Variants in TANK observed in about 807,000 individuals in gnomAD.
TANK encodes TRAF family member associated NFKB activator.
TANK carries 15 observed loss-of-function variants against 43.6 expected under a neutral mutation model. The observed-to-expected ratio is 0.34, with a 90% CI of 0.23 to 0.53. The LOEUF is 0.53. Ranked by LOEUF, TANK falls within the 20% of genes least tolerant of loss-of-function variation. The probability of loss-of-function intolerance (pLI) is 0.94; values close to 1 mark genes in which losing one functional copy is unlikely to be tolerated. For missense variants in TANK, 417 were observed against 498.6 expected (o/e 0.84, Z 1.56); for synonymous variants, 162 against 178.2 (o/e 0.91, Z 0.73).
intron 7 of TANK, 73 bp from the exon 8 acceptor site, chr2:161,235,268 GA>G (rs1161163099): frequency 7.4e-7 from 1 of 1,349,264 alleles, no homozygotes; most frequent in Non-Finnish European, 1.0e-6. Flanking sequence ...AACTCATTCA[GA>G]AATTCAAATT....
upstream of TANK, chr2:161,159,184 AC>A (rs1306791539): frequency 6.6e-6 from 1 of 152,256 alleles, no homozygotes; most frequent in Non-Finnish European, 1.5e-5. Flanking sequence ...CAGCAATCAT[AC>A]TACTTGGTAT....
At chr2:161,172,837 A>C (rs886284520) in intron 1 of TANK, among the ~76,000 whole-genome samples, 2 of 152,128 alleles carry the variant, frequency 1.3e-5, no homozygotes, top group Admixed American at 1.3e-4. Flanking sequence ...TACTCTTGAA[A>C]TGCCTCTTGA....
At chr2:161,165,396 T>C (rs1017541191) in intron 1 of TANK, among the ~76,000 whole-genome samples, 6 of 152,218 alleles carry the variant, frequency 3.9e-5, no homozygotes, top group African/African-American at 1.4e-4. Flanking sequence ...AAATCAACTG[T>C]TATTGTGAGA....
intron 4 of TANK, 124 bp downstream of exon 4, chr2:161,204,917 G>A (rs1686580593): frequency 1.4e-6 from 2 of 1,469,774 alleles, no homozygotes; most frequent in Admixed American, 3.1e-5. Context: ...CAAATATGTG[G>A]CTTAAATATT....
intron 2 of TANK, among the ~76,000 whole-genome samples, chr2:161,184,019 A>G (rs1324001380): frequency 1.3e-5 from 2 of 152,244 alleles, no homozygotes; most frequent in East Asian, 1.9e-4. Context: ...AATAAGCTCA[A>G]TGTGAGTCGA....
At chr2:161,193,570 AATAG>A (rs1686014153) in intron 2 of TANK, among the ~76,000 whole-genome samples, 1 of 152,202 alleles carries the variant, frequency 6.6e-6, no homozygotes, top group Non-Finnish European at 1.5e-5. Flanking sequence ...AAAATAAATA[AATAG>A]ATAAATAAGT....
intron 4 of TANK, among the ~76,000 whole-genome samples, chr2:161,208,789 G>A (rs1398112499): frequency 2.6e-5 from 4 of 152,136 alleles, no homozygotes; most frequent in African/African-American, 7.2e-5. Flanking sequence ...TAAGGGATCT[G>A]AGAGAGAGAA....
At chr2:161,235,291 G>C in intron 7 of TANK, 51 bp from the exon 8 acceptor site, 1 of 1,485,342 alleles carries the variant, frequency 6.7e-7, no homozygotes, top group Non-Finnish European at 9.2e-7. Flanking sequence ...GAAGTCCAGT[G>C]CTATTTGAAT....
rs527458448 is a variant in TANK at position 161,183,836 on chromosome 2, A to T, written c.99+4075A>T. Among the ~76,000 whole-genome samples, 412 of 152,174 alleles carry T rather than the reference A, an allele frequency of 2.7e-3. 1 individual carries two copies. Among genetic ancestry groups the T allele is most frequent in the Non-Finnish European group, 4.5e-3 (307 of 67,974 alleles). On this transcript the variant is annotated intron_variant, in intron 2 of 7. Transcript: ENST00000392749. ...CTGAAATAAATAAAATATCATTTAT[A>T]TCATTAAGGAACTTTAAAAAGTTCA...
intron 1 of TANK, among the ~76,000 whole-genome samples, chr2:161,166,470 T>C (rs939678403): frequency 6.6e-6 from 1 of 152,202 alleles, no homozygotes; most frequent in Non-Finnish European, 1.5e-5. Flanking sequence ...GAAAACACAC[T>C]TAATATTTTT....
upstream of TANK, chr2:161,160,278 G>A (rs919680550): frequency 4.5e-6 from 2 of 449,240 alleles, no homozygotes; most frequent in African/African-American, 4.1e-5. Flanking sequence ...GCGCTAGGCG[G>A]GGCGGGCAGG....
chr2:161,204,976 A>G, intron 4 of TANK, 183 bp downstream of exon 4: 2 of 1,371,578 alleles, frequency 1.5e-6, no homozygotes, highest in Non-Finnish European at 1.9e-6. Flanking sequence ...GAGGTTTTGT[A>G]TTTCCTACTG....
chr2:161,235,284 G>A, intron 7 of TANK, 58 bp from the exon 8 acceptor site: 1 of 1,446,846 alleles, frequency 6.9e-7, no homozygotes, highest in South Asian at 1.3e-5. Context: ...CAAATTTGAA[G>A]TCCAGTGCTA....
chr2:161,159,821 A>G (rs1031873542), upstream of TANK, among the ~76,000 whole-genome samples: 4 of 152,242 alleles, frequency 2.6e-5, 1 homozygote, highest in Non-Finnish European at 1.5e-5. Flanking sequence ...ATTTTCTAAT[A>G]AAGTTCCACC....
chr2:161,203,370 C>A, intron 2 of TANK, 117 bp from the exon 3 acceptor site: 1 of 645,820 alleles, frequency 1.5e-6, no homozygotes, highest in Non-Finnish European at 2.7e-6. Flanking sequence ...TCATAAATCA[C>A]AATACCTGCA....
intron 2 of TANK, among the ~76,000 whole-genome samples, chr2:161,191,122 C>T (rs747496495): frequency 6.6e-6 from 1 of 152,114 alleles, no homozygotes; most frequent in African/African-American, 2.4e-5. Flanking sequence ...ATTTGAGACT[C>T]AGAAGTTTTT....
chr2:161,138,746 G>C (rs544661399), intron 1 of TANK, among the ~76,000 whole-genome samples: 1 of 152,310 alleles, frequency 6.6e-6, no homozygotes, highest in African/African-American at 2.4e-5. Flanking sequence ...TTGAGTCATA[G>C]AGATAACTAA....
chr2:161,180,043 A>G (rs1256966597), intron 2 of TANK: 3 of 1,049,030 alleles, frequency 2.9e-6, no homozygotes, highest in Admixed American at 1.0e-4. Flanking sequence ...ATCAGTATTT[A>G]TAAATAAGGA....
intron 2 of TANK, among the ~76,000 whole-genome samples, chr2:161,195,474 G>A (rs1476359636): frequency 6.6e-6 from 1 of 152,142 alleles, no homozygotes; most frequent in Non-Finnish European, 1.5e-5. Context: ...TTAAGTTCAA[G>A]GACCTGCATT....
Sources: allele counts gnomAD v4.1 joint callset (sites outside exome capture counted in the v4.1 genomes callset), GRCh38; gene constraint gnomAD v4.1.1; transcripts MANE v1.5; gene names NCBI Gene and HGNC (gene_info 2026-07-23, HGNC 2026-07-21).